The following CEP112 variants were observed in gnomAD, a reference collection of about 807,000 sequenced individuals.
The protein encoded by CEP112 is centrosomal protein of 112 kDa.
In CEP112, 127 loss-of-function variants were observed where a neutral mutation model predicts 153.0. The observed-to-expected ratio is 0.83, with a 90% CI of 0.72 to 0.96. The LOEUF (loss-of-function observed/expected upper bound fraction) is 0.96, where lower values mean the gene tolerates loss of function less well. Among genes scored for constraint, CEP112 ranks in the 40% least tolerant of loss-of-function variants. CEP112 has a pLI of 0.00. For missense variants in CEP112, 1,089 were observed against 1,101.2 expected (o/e 0.99, Z 0.16); for synonymous variants, 358 against 374.4 (o/e 0.96, Z 0.51).
intron 21 of CEP112, among the ~76,000 whole-genome samples, chr17:65,764,760 T>C (rs996533316): frequency 2.0e-5 from 3 of 151,572 alleles, no homozygotes; most frequent in Non-Finnish European, 4.4e-5. Context: ...TTAATCCATT[T>C]GTAATTATTG....
intron 21 of CEP112, among the ~76,000 whole-genome samples, chr17:65,817,084 T>C (rs1298396938): frequency 1.3e-5 from 2 of 151,960 alleles, no homozygotes; most frequent in South Asian, 2.1e-4. Flanking sequence ...TTTGTTTTTT[T>C]CTGCCTCACT....
intron 8 of CEP112, among the ~76,000 whole-genome samples, chr17:66,072,058 C>T (rs1568459524): frequency 6.6e-6 from 1 of 152,122 alleles, no homozygotes; most frequent in Non-Finnish European, 1.5e-5. Context: ...CTCCCACATG[C>T]CCTTTACCCA....
chr17:65,689,199 T>C lies in CEP112; in HGVS notation c.2627A>G (p.Glu876Gly), dbSNP rs747359242. The change falls in exon 24 of 27, where the codon GAA becomes GGA. Residue 876 changes from glutamate to glycine, a missense_variant. Glu to Gly is a moderately conservative substitution (Grantham distance 98). Coordinates refer to ENST00000535342, the MANE Select transcript of CEP112 (RefSeq NM_001199165.4). ...ACATCGCACCTGATTAGAACGGTTT[T>C]CTAATTCATCTTGTAAAACCTGAAA... ...QAIKVLQDELENRSNQVRCAE... is the reference protein window; with the variant it reads ...QAIKVLQDELGNRSNQVRCAE... 1 of 1,612,504 alleles carries C rather than the reference T, an allele frequency of 6.2e-7. No individual in the cohort carries two copies. Among genetic ancestry groups the C allele is most frequent in the Non-Finnish European group, 8.5e-7 (1 of 1,178,568 alleles).
intron 6 of CEP112, among the ~76,000 whole-genome samples, chr17:66,117,557 A>G (rs918569975): frequency 1.3e-5 from 2 of 152,226 alleles, no homozygotes; most frequent in African/African-American, 4.8e-5. Context: ...AACCAGCAAA[A>G]TACCAAGAAA....
rs1340386210 is a variant in CEP112, at chr17:66,191,952, CT to C, written c.-9+44del. The C allele has an allele frequency of 6.5e-6, 1 of 152,720 alleles. No individual in the cohort carries two copies. Among genetic ancestry groups the C allele is most frequent in the Non-Finnish European group, 1.5e-5 (1 of 68,172 alleles). 9.5% of individuals were successfully genotyped at this position (152,720 alleles called of 1,614,324 possible). On this transcript the variant is annotated intron_variant, in intron 1 of 26. Coordinates refer to ENST00000535342, the MANE Select transcript of CEP112 (RefSeq NM_001199165.4). This position sits in a 1 kb window ranked among gnomAD's most constrained non-coding sequence, Gnocchi z 4.2. Reference sequence around the variant, plus strand: ...CCGGCGCAAAATTCCACTCAAGAACCTGGTGGGAGGGGCGGGGGAAGGAAAT... The same window carrying C: ...CCGGCGCAAAATTCCACTCAAGAACCGGTGGGAGGGGCGGGGGAAGGAAAT...
chr17:65,759,362 C>T (rs745416047), intron 21 of CEP112, among the ~76,000 whole-genome samples: 12 of 152,032 alleles, frequency 7.9e-5, no homozygotes, highest in East Asian at 1.9e-4. Flanking sequence ...CTTTCTTGCG[C>T]GAGATCCAAG....
chr17:65,887,129 G>A (rs2059307270), intron 20 of CEP112, among the ~76,000 whole-genome samples: 1 of 152,078 alleles, frequency 6.6e-6, no homozygotes, highest in African/African-American at 2.4e-5. Flanking sequence ...CAATGGATAT[G>A]CCTGTAACTT....
intron 20 of CEP112, among the ~76,000 whole-genome samples, chr17:65,856,659 T>C (rs1298132976): frequency 1.3e-5 from 2 of 152,196 alleles, no homozygotes; most frequent in Non-Finnish European, 1.5e-5. Context: ...ATATATTGCA[T>C]AGTGGTAAAA....
At chr17:65,794,921 G>T (rs974280253) in intron 21 of CEP112, among the ~76,000 whole-genome samples, 1 of 152,226 alleles carries the variant, frequency 6.6e-6, no homozygotes, top group African/African-American at 2.4e-5. Context: ...CCACAAGGGT[G>T]GGGACTGTGA....
intron 9 of CEP112, among the ~76,000 whole-genome samples, chr17:66,067,121 G>C (rs1264110187): frequency 1.3e-5 from 2 of 152,042 alleles, no homozygotes; most frequent in Non-Finnish European, 2.9e-5. Context: ...GTGTTTTTGT[G>C]TATGTCCATG....
chr17:65,923,019 C>T (rs1002478135), intron 19 of CEP112, among the ~76,000 whole-genome samples: 1 of 152,114 alleles, frequency 6.6e-6, no homozygotes, highest in Admixed American at 6.6e-5. Flanking sequence ...GGAAAACATC[C>T]TCCATGGCAC....
At chr17:65,771,159 AG>A (rs1288842648) in intron 21 of CEP112, among the ~76,000 whole-genome samples, 2 of 152,114 alleles carry the variant, frequency 1.3e-5, no homozygotes, top group African/African-American at 4.8e-5. Context: ...CTTTTAAAAA[AG>A]GTTAAGATTA....
chr17:65,734,358 A>G (rs2050681025), intron 23 of CEP112, among the ~76,000 whole-genome samples: 1 of 152,156 alleles, frequency 6.6e-6, no homozygotes, highest in Non-Finnish European at 1.5e-5. Flanking sequence ...ATGTCTAGAC[A>G]AGTGGTTCTC....
In CEP112 at chr17:66,190,337, T is replaced by C. The variant is rs189059254; in HGVS notation, c.-9+1660A>G. Among the ~76,000 whole-genome samples, 391 of 149,824 alleles carry C rather than the reference T, an allele frequency of 2.6e-3. 1 individual carries two copies. Among genetic ancestry groups the C allele is most frequent in the African/African-American group, 9.1e-3 (372 of 40,812 alleles). The stretch of plus-strand genomic sequence containing the variant: ...AAAAAAAAAAATTGAAAATGAAAAA[T>C]AAATAATTTAAAAACAAATTACATC... On this transcript the variant is annotated intron_variant, in intron 1 of 26. Transcript: ENST00000535342.
chr17:66,025,510 CA>C (rs1222999877), intron 16 of CEP112, among the ~76,000 whole-genome samples: 1 of 151,478 alleles, frequency 6.6e-6, no homozygotes, highest in Non-Finnish European at 1.5e-5. Context: ...AGACATTTTT[CA>C]AAAAAAGACA....
chr17:66,028,247 T>A, intron 15 of CEP112, 66 bp downstream of exon 15: 1 of 923,890 alleles, frequency 1.1e-6, no homozygotes, highest in Non-Finnish European at 1.7e-6. Flanking sequence ...TGACTCTCAA[T>A]GATACATCTG....
intron 24 of CEP112, among the ~76,000 whole-genome samples, chr17:65,687,245 C>T (rs1352127883): frequency 6.9e-6 from 1 of 144,692 alleles, no homozygotes; most frequent in Non-Finnish European, 1.5e-5. Flanking sequence ...CGGCTCACTG[C>T]AACCTCCGCC....
At chr17:66,154,697 C>T (rs180754707) in intron 4 of CEP112, among the ~76,000 whole-genome samples, 71 of 151,920 alleles carry the variant, frequency 4.7e-4, no homozygotes, top group Admixed American at 4.0e-3. Flanking sequence ...TAGATGAGTA[C>T]TCTCTGATCT....
chr17:65,847,086 G>T (rs555018734), intron 21 of CEP112, among the ~76,000 whole-genome samples: 1 of 152,102 alleles, frequency 6.6e-6, no homozygotes, highest in Non-Finnish European at 1.5e-5. Flanking sequence ...CCACCAACTG[G>T]ACAAAAACCG....
Sources: gnomAD v4.1 joint callset for allele counts (sites outside exome capture counted in the v4.1 genomes callset) on GRCh38, gnomAD v4.1.1 for gene constraint, Gnocchi (gnomAD v3.1) non-coding constraint, MANE v1.5 for transcripts, NCBI Gene and HGNC (gene_info 2026-07-23, HGNC 2026-07-21) for gene names.